ATP2B2: variants seen among roughly 807,000 people sequenced by gnomAD.
ATP2B2 encodes the protein plasma membrane calcium-transporting ATPase 2.
ATP2B2 carries 15 observed loss-of-function variants against 120.0 expected under a neutral mutation model. The observed-to-expected ratio is 0.12, with a 90% CI of 0.08 to 0.19. ATP2B2 has a LOEUF of 0.19. Ranked by LOEUF, ATP2B2 falls within the 10% of genes least tolerant of loss-of-function variation. The pLI, the probability that ATP2B2 is intolerant of heterozygous loss-of-function variation, is 1.00. For missense variants in ATP2B2, 1,045 were observed against 1,719.8 expected, an observed-to-expected ratio of 0.61 and a Z score of 6.94; for synonymous variants, 694 against 700.3, an observed-to-expected ratio of 0.99 and a Z score of 0.14.
chr3:10,350,517 C>T lies in ATP2B2; in HGVS notation c.2197G>A (p.Asp733Asn), dbSNP rs750301862. The T allele has an allele frequency of 6.2e-7, 1 of 1,614,140 alleles. No individual in the cohort carries two copies. ...AGITVRMVTGDNINTARAIAI... is the reference protein window; with the variant it reads ...AGITVRMVTGNNINTARAIAI... Reference sequence around the variant, plus strand: ...ATGGCCCGAGCCGTGTTGATATTGTCGCCAGTGACCATGCGGACCGTGATG... The same window carrying T: ...ATGGCCCGAGCCGTGTTGATATTGTTGCCAGTGACCATGCGGACCGTGATG... Residue 733 changes from aspartate (D) to asparagine (N), a missense_variant, in exon 15 of 23, where the codon GAC becomes AAC. Asp to Asn is a conservative substitution (Grantham distance 23, BLOSUM62 1). Transcript: ENST00000360273.
chr3:10,610,572 A>G (rs938875702), intron 2 of ATP2B2, among the ~76,000 whole-genome samples: 2 of 152,288 alleles, frequency 1.3e-5, no homozygotes, highest in East Asian at 3.9e-4. Flanking sequence ...TTCCGGGTAA[A>G]GTGATGGAAT....
intron 14 of ATP2B2, 150 bp from the exon 15 acceptor site, chr3:10,350,727 G>A (rs538987336): frequency 1.2e-6 from 1 of 802,970 alleles, no homozygotes; most frequent in Non-Finnish European, 2.0e-6. Flanking sequence ...CATGGCATAT[G>A]GGCCACAGCC....
intron 14 of ATP2B2, among the ~76,000 whole-genome samples, chr3:10,352,714 G>A (rs922468992): frequency 1.3e-5 from 2 of 152,234 alleles, no homozygotes; most frequent in South Asian, 4.1e-4. Context: ...GCTGGAGGGA[G>A]TGGGAATGTG....
At chr3:10,366,211 G>A (rs2125479460) in intron 12 of ATP2B2, among the ~76,000 whole-genome samples, 1 of 152,298 alleles carries the variant, frequency 6.6e-6, no homozygotes, top group East Asian at 1.9e-4. Flanking sequence ...GGTCTCAGGA[G>A]ATCTGAATTC....
At chr3:10,500,319 T>C (rs940415745) in intron 1 of ATP2B2, among the ~76,000 whole-genome samples, 1 of 151,976 alleles carries the variant, frequency 6.6e-6, no homozygotes, top group Non-Finnish European at 1.5e-5. Flanking sequence ...GAGATAAGAC[T>C]GTGTGCAGGT....
intron 2 of ATP2B2, among the ~76,000 whole-genome samples, chr3:10,424,157 A>G (rs1219177026): frequency 6.6e-6 from 1 of 152,064 alleles, no homozygotes; most frequent in Non-Finnish European, 1.5e-5. Flanking sequence ...CACTTTATAC[A>G]CGGGCCTTGC....
intron 1 of ATP2B2, among the ~76,000 whole-genome samples, chr3:10,493,423 C>T (rs533678506): frequency 1.8e-4 from 28 of 151,592 alleles, no homozygotes; most frequent in Non-Finnish European, 3.4e-4. Context: ...GTTTGAGGTA[C>T]AGAAAGAAGG....
intron 2 of ATP2B2, among the ~76,000 whole-genome samples, chr3:10,418,104 G>C (rs1000043229): frequency 1.3e-5 from 2 of 152,068 alleles, no homozygotes; most frequent in Non-Finnish European, 2.9e-5. Context: ...TCTTCCCCTT[G>C]CCTGCTTGGT....
intron 1 of ATP2B2, among the ~76,000 whole-genome samples, chr3:10,487,204 A>G (rs1198354534): frequency 6.6e-6 from 1 of 151,998 alleles, no homozygotes; most frequent in Non-Finnish European, 1.5e-5. Flanking sequence ...TCCTTTACAC[A>G]TTCCTAGCAC....
Position 10,329,123 on chromosome 3 carries a change from G to T in ATP2B2, c.3423C>A (p.Ile1141=). 6.4e-7 allele frequency: 1 copy of T among 1,565,446 alleles called. No homozygotes were observed. The highest frequency in any genetic ancestry group is 8.7e-7 in the Non-Finnish European group (1 of 1,149,378). Residue 1141 remains isoleucine (I), a splice_region_variant and synonymous_variant, in exon 23 of 23, where the codon ATC becomes ATA. Transcript: ENST00000360273. This position sits in a 1 kb window ranked among gnomAD's most constrained non-coding sequence, Gnocchi z 5.9. ...AGCTACGGAACGCCTTCACGACGCG[G>T]ATCTGCAAGGGAAGCACAGGGGTCA... The part of the protein sequence containing the change: ...FRGLNRIQTQ[I]RVVKAFRSSL...
At chr3:10,373,732 T>C (rs1186865431) in intron 11 of ATP2B2, among the ~76,000 whole-genome samples, 1 of 152,086 alleles carries the variant, frequency 6.6e-6, no homozygotes, top group East Asian at 1.9e-4. Flanking sequence ...TTTTTTCTTC[T>C]TTTTTAAAAA....
intron 1 of ATP2B2, among the ~76,000 whole-genome samples, chr3:10,677,026 C>A (rs1199247975): frequency 6.6e-6 from 1 of 152,204 alleles, no homozygotes; most frequent in Non-Finnish European, 1.5e-5. Flanking sequence ...ACTAAACACA[C>A]TCTTACCATG....
At chr3:10,447,409 G>A (rs1467732707) in intron 2 of ATP2B2, among the ~76,000 whole-genome samples, 1 of 152,164 alleles carries the variant, frequency 6.6e-6, no homozygotes, top group Non-Finnish European at 1.5e-5. Flanking sequence ...TGGTGGGAGT[G>A]GTAGGTGGTT....
rs1168327741 is a variant in ATP2B2, at chr3:10,360,022, C to G, written c.1761G>C (p.Val587=). 1 of 1,614,066 alleles carries G rather than the reference C, an allele frequency of 6.2e-7. No homozygotes were observed. The highest frequency in any genetic ancestry group is 8.5e-7 in the Non-Finnish European group (1 of 1,180,008). Residue 587 remains valine, a synonymous_variant, in exon 13 of 23, where the codon GTG becomes GTC. Coordinates refer to ENST00000360273, the MANE Select transcript of ATP2B2 (RefSeq NM_001001331.4). ...ACTTCTCCTCTGGCATCTGGCTGCG[C>G]ACGGGCTCGTAGTCCTGCTTCAGGT... is the stretch of plus-strand genomic sequence containing the variant. ...VLDLKQDYEP[V]RSQMPEEKLY... is the part of the protein sequence containing the mutation.
At chr3:10,452,898 G>C (rs1469697236) in intron 1 of ATP2B2, among the ~76,000 whole-genome samples, 2 of 152,216 alleles carry the variant, frequency 1.3e-5, no homozygotes, top group African/African-American at 2.4e-5. Flanking sequence ...TGAAGGCAAA[G>C]CTGGTGAACA....
chr3:10,401,223 G>C, intron 4 of ATP2B2, 145 bp from the exon 5 acceptor site: 1 of 1,075,400 alleles, frequency 9.3e-7, no homozygotes. Context: ...CCAAGATGGT[G>C]CCCATAGAAG....
intron 1 of ATP2B2, among the ~76,000 whole-genome samples, chr3:10,671,428 A>G (rs1244933827): frequency 6.6e-6 from 1 of 152,158 alleles, no homozygotes; most frequent in Non-Finnish European, 1.5e-5. Context: ...TTGTCGAAGT[A>G]TAGATTCCAG....
At chr3:10,512,807 A>G (rs1281588500) in intron 3 of ATP2B2, among the ~76,000 whole-genome samples, 1 of 152,194 alleles carries the variant, frequency 6.6e-6, no homozygotes, top group Non-Finnish European at 1.5e-5. Context: ...ACAGGCGGCA[A>G]TTCCGAAGTG....
At chr3:10,537,193 T>C (rs2067336483) in intron 2 of ATP2B2, among the ~76,000 whole-genome samples, 1 of 152,234 alleles carries the variant, frequency 6.6e-6, no homozygotes, top group Non-Finnish European at 1.5e-5. Context: ...TTCAAAATTG[T>C]TTTAGATATT....
Sources: gnomAD v4.1 joint callset for allele counts (sites outside exome capture counted in the v4.1 genomes callset) on GRCh38, gnomAD v4.1.1 for gene constraint, Gnocchi (gnomAD v3.1) non-coding constraint, MANE v1.5 for transcripts, NCBI Gene and HGNC (gene_info 2026-07-23, HGNC 2026-07-21) for gene names.